The following MGAM variants were observed in gnomAD, a reference collection of about 807,000 sequenced individuals.
MGAM encodes the protein maltase-glucoamylase.
A neutral mutation model predicts 358.8 loss-of-function variants in MGAM; 253 were observed. The observed-to-expected ratio is 0.71, with a 90% CI of 0.64 to 0.78. The LOEUF (loss-of-function observed/expected upper bound fraction) is 0.78, where lower values mean the gene tolerates loss of function less well. Among genes scored for constraint, MGAM ranks in the 30% least tolerant of loss-of-function variants. MGAM has a pLI of 0.00. For missense variants in MGAM, 3,080 were observed against 3,432.6 expected (o/e 0.90, Z 2.57); for synonymous variants, 1,105 against 1,227.1 (o/e 0.90, Z 2.08).
chr7:142,071,313 T>C (rs1813329722), intron 44 of MGAM, among the ~76,000 whole-genome samples, 195 bp downstream of exon 44: 2 of 146,794 alleles, frequency 1.4e-5, no homozygotes. Flanking sequence ...ACAACTCTTT[T>C]AAGTCTAAGG....
chr7:142,042,739 A>C (rs1180870939), intron 21 of MGAM, among the ~76,000 whole-genome samples: 1 of 75,816 alleles, frequency 1.3e-5, no homozygotes, highest in Non-Finnish European at 2.2e-5. Context: ...TATACATATA[A>C]TATCTGAATA....
chr7:142,081,450 G>A (rs1814273106), intron 50 of MGAM, among the ~76,000 whole-genome samples: 1 of 145,488 alleles, frequency 6.9e-6, no homozygotes, highest in Non-Finnish European at 1.6e-5. Context: ...AGGGCGAAGG[G>A]AAAGAGCATT....
In MGAM at chr7:142,094,449, C is replaced by T. The variant is rs1199890214; in HGVS notation, c.7258C>T (p.Leu2420=). Residue 2420 remains leucine (L), a synonymous_variant, in exon 61 of 71, where the codon CTG becomes TTG. Coordinates refer to ENST00000475668, the MANE Select transcript of MGAM (RefSeq NM_001365693.1). ...TTCTGGCCGCTGGGCAGGACATTGGCTGGGAGACAACACAGCCGCGTGGGA... is the reference window on the plus strand; with the variant it reads ...TTCTGGCCGCTGGGCAGGACATTGGTTGGGAGACAACACAGCCGCGTGGGA... ...PSSGRWAGHW[L]GDNTAAWDQL... 1 of 1,534,756 alleles carries T rather than the reference C, an allele frequency of 6.5e-7. No homozygotes were observed. The highest frequency in any genetic ancestry group is 8.9e-7 in the Non-Finnish European group (1 of 1,121,890).
intron 3 of MGAM, among the ~76,000 whole-genome samples, chr7:142,016,155 CTCTTT>C (rs1369424599): frequency 6.6e-6 from 1 of 152,074 alleles, no homozygotes; most frequent in Non-Finnish European, 1.5e-5. Flanking sequence ...TCCCTTCTCT[CTCTTT>C]TAAGTGTTAA....
intron 10 of MGAM, among the ~76,000 whole-genome samples, chr7:142,028,987 G>A (rs1167287181): frequency 2.0e-5 from 3 of 152,124 alleles, no homozygotes; most frequent in East Asian, 1.9e-4. Flanking sequence ...GTGCTACAAC[G>A]TGGTGAACTC....
intron 57 of MGAM, among the ~76,000 whole-genome samples, chr7:142,087,411 A>T (rs1814862768): frequency 6.8e-6 from 1 of 146,124 alleles, no homozygotes; most frequent in African/African-American, 2.4e-5. Flanking sequence ...TTACAGGTCT[A>T]GGAAGGCTAC....
At chr7:142,050,631 G>C in intron 23 of MGAM, 66 bp from the exon 24 acceptor site, 2 of 1,484,762 alleles carry the variant, frequency 1.3e-6, no homozygotes, top group Non-Finnish European at 1.8e-6. Context: ...TGGAATATTT[G>C]AGTGACTTGA....
Position 142,038,539 on chromosome 7 carries a change from A to G in MGAM, c.2240A>G (p.Glu747Gly), listed in dbSNP as rs748542470. The change falls in exon 19 of 71, where the codon GAG (glutamate) becomes GGG (glycine). Residue 747 changes from glutamate to glycine, a missense_variant. This residue lies in a region of MGAM where 1,816 missense variants were observed against 1,840.5 expected (regional missense o/e 0.99). Transcript: ENST00000475668. ...VARPLLHEFY[E>G]DNSTWDVHQQ... is the part of the protein sequence containing the mutation. ...GTCTCTCTGGTTTTCAGGTTCTACG[A>G]GGACAACAGCACTTGGGATGTGCAC... 1 of 1,609,430 alleles carries G rather than the reference A, an allele frequency of 6.2e-7. No individual in the cohort carries two copies. Among genetic ancestry groups the G allele is most frequent in the Admixed American group, 1.7e-5 (1 of 59,474 alleles).
At chr7:142,100,682 T>C in intron 67 of MGAM, 120 bp from the exon 68 acceptor site, 1 of 807,354 alleles carries the variant, frequency 1.2e-6, no homozygotes. Flanking sequence ...TCTTGAATTC[T>C]AGTATGCAGT....
intron 14 of MGAM, 51 bp downstream of exon 14, chr7:142,032,960 T>G (rs1807647677): frequency 7.8e-7 from 1 of 1,277,732 alleles, no homozygotes; most frequent in Non-Finnish European, 1.1e-6. Context: ...TTTCATATTA[T>G]AAATTCATAA....
intron 57 of MGAM, among the ~76,000 whole-genome samples, chr7:142,089,004 C>A (rs35295955): frequency 2.8e-5 from 2 of 71,170 alleles, no homozygotes; most frequent in African/African-American, 1.0e-4. Context: ...ATGTATCTAT[C>A]TATCTATCTA....
chr7:142,059,745 C>G, intron 32 of MGAM, 111 bp from the exon 33 acceptor site: 7 of 1,568,154 alleles, frequency 4.5e-6, no homozygotes, highest in Non-Finnish European at 5.2e-6. Context: ...CACAGAAACT[C>G]TACTGTGCAG....
intron 47 of MGAM, among the ~76,000 whole-genome samples, chr7:142,077,546 C>T (rs1813846979): frequency 6.9e-6 from 1 of 145,076 alleles, no homozygotes; most frequent in African/African-American, 2.4e-5. Flanking sequence ...TAATAGGATT[C>T]AAGGAAGGTT....
rs767774678 is a variant in MGAM at position 142,083,433 on chromosome 7, T to C, written c.6381+20T>C. On this transcript the variant is annotated intron_variant, in intron 53 of 70. Transcript: ENST00000475668. Reference sequence around the variant, plus strand: ...ACTGAGGTAGGGAGAAATCCAATTGTTTATCAAGTACTTATATAGCACATT... The same window carrying C: ...ACTGAGGTAGGGAGAAATCCAATTGCTTATCAAGTACTTATATAGCACATT... The C allele has an allele frequency of 6.7e-7, 1 of 1,492,482 alleles. No individual in the cohort carries two copies. The highest frequency in any genetic ancestry group is 9.2e-7 in the Non-Finnish European group (1 of 1,082,092). 92.5% of individuals were successfully genotyped at this position (1,492,482 alleles called of 1,614,324 possible).
intron 3 of MGAM, among the ~76,000 whole-genome samples, chr7:142,008,990 G>A (rs1263791420): frequency 1.3e-5 from 2 of 152,132 alleles, no homozygotes; most frequent in South Asian, 2.1e-4. Flanking sequence ...TAAGCTTTTA[G>A]TATAAGTGTG....
At chr7:142,078,675 T>C in intron 48 of MGAM, 133 bp from the exon 49 acceptor site, 1 of 1,122,748 alleles carries the variant, frequency 8.9e-7, no homozygotes, top group Non-Finnish European at 1.3e-6. Flanking sequence ...GAAATTAAAT[T>C]TATGTTATTG....
At chr7:141,998,947 A>T (rs1554449765) in intron 1 of MGAM, among the ~76,000 whole-genome samples, 1 of 152,074 alleles carries the variant, frequency 6.6e-6, no homozygotes, top group East Asian at 1.9e-4. Flanking sequence ...AACCTAATTA[A>T]AATTGCCACC....
chr7:142,049,688 T>C (rs1431238958), intron 22 of MGAM, among the ~76,000 whole-genome samples: 1 of 152,112 alleles, frequency 6.6e-6, no homozygotes, highest in Non-Finnish European at 1.5e-5. Flanking sequence ...CTAACTGGCA[T>C]GTGAAAAGAT....
intron 16 of MGAM, among the ~76,000 whole-genome samples, chr7:142,035,236 A>C (rs188211838): frequency 1.1e-4 from 17 of 152,160 alleles, no homozygotes; most frequent in African/African-American, 3.6e-4. Flanking sequence ...TAAATCCAAC[A>C]TATTTATGAA....
Sources: gnomAD v4.1 joint callset for allele counts (sites outside exome capture counted in the v4.1 genomes callset) on GRCh38, gnomAD v4.1.1 for gene constraint, gnomAD v4.1.1 regional missense constraint, MANE v1.5 for transcripts, NCBI Gene and HGNC (gene_info 2026-07-23, HGNC 2026-07-21) for gene names.